Variants in DNMT3A observed in about 807,000 individuals in gnomAD.
DNMT3A encodes the protein DNA methyltransferase 3 alpha.
DNMT3A carries 267 observed loss-of-function variants against 117.6 expected under a neutral mutation model. The ratio of observed to expected loss-of-function variants is 2.27; its 90% confidence interval spans 2.05 to 2.51. DNMT3A has a LOEUF of 2.51. Ranked by LOEUF, DNMT3A falls within the 30% of genes most tolerant of loss-of-function variation. The pLI is 0.00. For missense variants in DNMT3A, 1,029 were observed against 1,260.2 expected, an observed-to-expected ratio of 0.82 and a Z score of 2.78; for synonymous variants, 432 against 474.8, an observed-to-expected ratio of 0.91 and a Z score of 1.17.
rs187090589 is a variant in DNMT3A at position 25,333,595 on chromosome 2, C to A, written c.-178+8231G>T. On this transcript the variant is annotated intron_variant, in intron 1 of 22. Transcript: ENST00000321117. ...ATCCACCCGCCTCGGCCTCCCAAAG[C>A]GCTGGGATTACAGGCGTGAGCCACT... Among the ~76,000 whole-genome samples, 182 of 152,140 alleles carry A rather than the reference C, an allele frequency of 1.2e-3. 2 individuals are homozygous for A. Among genetic ancestry groups the A allele is most frequent in the African/African-American group, 4.2e-3 (174 of 41,522 alleles).
chr2:25,275,601 G>C, intron 4 of DNMT3A, 58 bp from the exon 5 acceptor site: 1 of 1,535,934 alleles, frequency 6.5e-7, no homozygotes, highest in East Asian at 2.5e-5. Flanking sequence ...TACTGGAGTG[G>C]CTCACAGGCC....
Position 25,243,907 on chromosome 2 carries a change from T to TTCCA in DNMT3A, c.1923_1926dup (p.Ile643TrpfsTer26). 1 of 1,551,902 alleles carries TTCCA rather than the reference T, an allele frequency of 6.4e-7. No individual in the cohort carries two copies. The highest frequency in any genetic ancestry group is 8.7e-7 in the Non-Finnish European group (1 of 1,147,026). On this transcript the variant is annotated frameshift_variant, in exon 16 of 23. Transcript: ENST00000321117. LOFTEE classifies it high-confidence loss of function. ...GGCCTGCACCCCTCACCTGTAGCGA[T>TTCCA]TCCATCAAAGAGAGACAGCACCCGG...
intron 6 of DNMT3A, among the ~76,000 whole-genome samples, chr2:25,250,951 TTGTC>T (rs1199150348): frequency 6.6e-6 from 1 of 152,142 alleles, no homozygotes; most frequent in Non-Finnish European, 1.5e-5. Context: ...CACGGCCCCT[TTGTC>T]TCTCAGCCCC....
intron 22 of DNMT3A, 58 bp downstream of exon 22, chr2:25,235,649 G>T: frequency 7.1e-7 from 1 of 1,398,954 alleles, no homozygotes; most frequent in Non-Finnish European, 1.0e-6. Flanking sequence ...GACCCCCGCA[G>T]CAAGCACAGC....
intron 2 of DNMT3A, among the ~76,000 whole-genome samples, chr2:25,312,460 A>G (rs1480248790): frequency 2.0e-5 from 3 of 152,140 alleles, no homozygotes; most frequent in Admixed American, 6.5e-5. Context: ...ACGGTGCTCT[A>G]CAGGGTGCTG....
Position 25,247,405 on chromosome 2 carries a change from T to C in DNMT3A, c.1014+186A>G, listed in dbSNP as rs1388578869. On this transcript the variant is annotated intron_variant, in intron 8 of 22. Coordinates refer to ENST00000321117, the MANE Select transcript of DNMT3A (RefSeq NM_022552.5). This position sits in a 1 kb window ranked among gnomAD's most constrained non-coding sequence, Gnocchi z 5.6. ...GAAGGCTAAAACTGGGCCAGCATCC[T>C]AGCTCTCTGAGCCACAGGTGCAACC... 17 of 990,410 alleles carry C rather than the reference T, an allele frequency of 1.7e-5. No homozygotes were observed. The highest frequency in any genetic ancestry group is 2.0e-5 in the Non-Finnish European group (14 of 686,252). 61.4% of individuals were successfully genotyped at this position (990,410 alleles called of 1,614,324 possible).
At chr2:25,300,116 G>A (rs1328970760) in intron 3 of DNMT3A, 23 bp downstream of exon 3, 2 of 1,610,226 alleles carry the variant, frequency 1.2e-6, no homozygotes, top group African/African-American at 1.3e-5. Flanking sequence ...TGCACAGGAG[G>A]GTGTGTAGGA....
At chr2:25,240,795 G>T (rs866437666) in intron 17 of DNMT3A, 65 bp from the exon 18 acceptor site, 4 of 1,517,604 alleles carry the variant, frequency 2.6e-6, no homozygotes, top group African/African-American at 2.7e-5. Context: ...GGAAGAAAGA[G>T]AAATTATCTG....
chr2:25,252,616 G>C lies in DNMT3A; in HGVS notation c.640-4364C>G, dbSNP rs1392725629. Among the ~76,000 whole-genome samples the C allele has an allele frequency of 6.6e-6, 1 of 151,792 alleles. No homozygotes were observed. Among genetic ancestry groups the C allele is most frequent in the Non-Finnish European group, 1.5e-5 (1 of 67,872 alleles). ...CCCCAGCTCTGGAAGAGATTAGCGC[G>C]GGGCCGGGGGGCCGGGAGGGGAGGG... is the stretch of plus-strand genomic sequence containing the variant. On this transcript the variant is annotated intron_variant, in intron 6 of 22. Coordinates refer to ENST00000321117, the MANE Select transcript of DNMT3A (RefSeq NM_022552.5). This position sits in a 1 kb window ranked among gnomAD's most constrained non-coding sequence, Gnocchi z 5.5.
At chr2:25,261,157 G>T (rs1464095331) in intron 6 of DNMT3A, among the ~76,000 whole-genome samples, 1 of 152,068 alleles carries the variant, frequency 6.6e-6, no homozygotes, top group Non-Finnish European at 1.5e-5. Context: ...AGCCAGAGGT[G>T]GCCAAGTGTG....
chr2:25,237,099 C>G lies in DNMT3A; in HGVS notation c.2409-94G>C. On this transcript the variant is annotated intron_variant, in intron 20 of 22. Coordinates refer to ENST00000321117, the MANE Select transcript of DNMT3A (RefSeq NM_022552.5). The surrounding 1 kb of genome is among the most constrained non-coding windows in gnomAD (Gnocchi z 5.4). The stretch of plus-strand genomic sequence containing the variant: ...ACTCCCCTCCCTCCCCCAGCAGCCA[C>G]TAGTTCACAGGGTAAGAGCCCCTTC... 1 of 1,298,422 alleles carries G rather than the reference C, an allele frequency of 7.7e-7. No individual in the cohort carries two copies. The highest frequency in any genetic ancestry group is 1.1e-6 in the Non-Finnish European group (1 of 920,482). 80.4% of individuals were successfully genotyped at this position (1,298,422 alleles called of 1,614,324 possible). A position where few individuals can be genotyped will look rare whatever the true frequency, so the allele number is the denominator to read the frequency against.
intron 6 of DNMT3A, among the ~76,000 whole-genome samples, chr2:25,273,616 C>G (rs771429939): frequency 1.3e-5 from 2 of 152,252 alleles, no homozygotes; most frequent in African/African-American, 4.8e-5. Context: ...CAAGACAGCT[C>G]AAAAATTGTG....
rs1371093470 is a variant in DNMT3A, at chr2:25,241,684, C to T, written c.1960G>A (p.Gly654Ser). 1 of 1,614,034 alleles carries T rather than the reference C, an allele frequency of 6.2e-7. No individual in the cohort carries two copies. Among genetic ancestry groups the T allele is most frequent in the Non-Finnish European group, 8.5e-7 (1 of 1,179,972 alleles). ...GCAATGTAGCGGTCCACCTGAATGC[C>T]CAAGTCCTTCAGCACCAGGAGCCCT... ...ATGLLVLKDL[G>S]IQVDRYIASE... Residue 654 changes from glycine (G) to serine (S), a missense_variant, in exon 17 of 23, where the codon GGC (glycine) becomes AGC (serine). By Grantham distance (56) the Gly-to-Ser change is moderately conservative (BLOSUM62 0). Coordinates refer to ENST00000321117, the MANE Select transcript of DNMT3A (RefSeq NM_022552.5).
intron 3 of DNMT3A, among the ~76,000 whole-genome samples, chr2:25,289,750 G>A (rs1333872990): frequency 4.6e-5 from 7 of 152,316 alleles, no homozygotes; most frequent in South Asian, 2.1e-4. Flanking sequence ...CCTGAGCAGC[G>A]CTCAATTCAA....
At chr2:25,261,438 C>CAAAA (rs1299589500) in intron 6 of DNMT3A, among the ~76,000 whole-genome samples, 3 of 30,110 alleles carry the variant, frequency 1.0e-4, no homozygotes, top group Non-Finnish European at 1.9e-4. Flanking sequence ...GACTCTGTCT[C>CAAAA]AAAAAAAAAA....
intron 1 of DNMT3A, among the ~76,000 whole-genome samples, chr2:25,323,402 C>A (rs1256080889): frequency 2.0e-5 from 3 of 152,172 alleles, no homozygotes; most frequent in Non-Finnish European, 4.4e-5. Context: ...GTGGTTGACA[C>A]CCTCCTGACC....
intron 6 of DNMT3A, among the ~76,000 whole-genome samples, chr2:25,272,996 CAG>C (rs2031071064): frequency 4.4e-5 from 1 of 22,562 alleles, no homozygotes; most frequent in African/African-American, 4.5e-4. Context: ...TTTTTTGAGA[CAG>C]AGTTTTGCTC....
In DNMT3A at chr2:25,247,157, AC is replaced by A. The variant is rs34203089; in HGVS notation, c.1015del (p.Val339CysfsTer6). Reference sequence around the variant, plus strand: ...CAGCGGCATCAGCTTCTCAACACACACCTGGGGGGACAAGCCAGGCCTTGTT... The same window carrying A: ...CAGCGGCATCAGCTTCTCAACACACACTGGGGGGACAAGCCAGGCCTTGTT... ...MWFGDGKFSV[V>X]CVEKLMPLSS... is the part of the protein sequence containing the mutation. On this transcript the variant is annotated frameshift_variant and splice_region_variant, in exon 9 of 23. Transcript: ENST00000321117. LOFTEE classifies it high-confidence loss of function. This position sits in a 1 kb window ranked among gnomAD's most constrained non-coding sequence, Gnocchi z 5.6. 6.2e-7 allele frequency: 1 copy of A among 1,613,178 alleles called. No homozygotes were observed. Among genetic ancestry groups the A allele is most frequent in the African/African-American group, 1.3e-5 (1 of 74,906 alleles).
At position 25,311,471 on chromosome 2, in the gene DNMT3A, A is replaced by G. The variant is rs2149424940; in HGVS notation, c.72+2442T>C. Reference sequence around the variant, plus strand: ...CCAGGTGAGCCAGCATGCGTGGTGTAGGTGTGGGCGGCTGGGGAGGAGGCC... The same window carrying G: ...CCAGGTGAGCCAGCATGCGTGGTGTGGGTGTGGGCGGCTGGGGAGGAGGCC... On this transcript the variant is annotated intron_variant, in intron 2 of 22. Coordinates refer to ENST00000321117, the MANE Select transcript of DNMT3A (RefSeq NM_022552.5). The surrounding 1 kb of genome is among the most constrained non-coding windows in gnomAD (Gnocchi z 5.2). 6.6e-6 allele frequency among the ~76,000 whole-genome samples: 1 copy of G among 152,158 alleles called. No individual in the cohort carries two copies. Among genetic ancestry groups the G allele is most frequent in the East Asian group, 1.9e-4 (1 of 5,180 alleles).
Sources: allele counts gnomAD v4.1 joint callset (sites outside exome capture counted in the v4.1 genomes callset), GRCh38; gene constraint gnomAD v4.1.1; non-coding constraint Gnocchi (gnomAD v3.1); transcripts MANE v1.5; gene names NCBI Gene and HGNC (gene_info 2026-07-23, HGNC 2026-07-21).